The following AGBL1 variants were observed in gnomAD, a reference collection of about 807,000 sequenced individuals.
AGBL1 encodes the protein AGBL carboxypeptidase 1.
A neutral mutation model predicts 118.9 loss-of-function variants in AGBL1; 130 were observed. The observed-to-expected ratio is 1.09, with a 90% CI of 0.95 to 1.26. The LOEUF is 1.26. AGBL1 is among the 50% of genes most tolerant of loss of function. The pLI is 0.00. For synonymous variants in AGBL1, 555 were observed against 478.9 expected, an observed-to-expected ratio of 1.16 and a Z score of -2.08; for missense variants, 1,584 against 1,298.1, an observed-to-expected ratio of 1.22 and a Z score of -3.38.
intron 5 of AGBL1, among the ~76,000 whole-genome samples, chr15:86,220,667 A>T (rs1216102063): frequency 6.6e-6 from 1 of 152,192 alleles, no homozygotes; most frequent in East Asian, 1.9e-4. Flanking sequence ...ATGAAAATAG[A>T]TAGGATGTGG....
Position 86,396,243 on chromosome 15 carries a change from G to GTATATA in AGBL1, c.2375-1108_2375-1103dup, listed in dbSNP as rs3050890. On this transcript the variant is annotated intron_variant, in intron 17 of 22. Transcript: ENST00000614907. ...TATATATATGTGTGTGTGTGTGTGT[G>GTATATA]TATATATATATATATATATACACAC... Among the ~76,000 whole-genome samples the GTATATA allele has an allele frequency of 7.2e-4, 91 of 126,624 alleles. 1 individual carries two copies. Among genetic ancestry groups the GTATATA allele is most frequent in the African/African-American group, 2.7e-3 (86 of 32,412 alleles). The allele number at this position is 126,624 out of a possible 152,430, so 83.1% of individuals were successfully genotyped here.
intron 22 of AGBL1, among the ~76,000 whole-genome samples, chr15:86,722,402 G>A (rs2086738622): frequency 6.6e-6 from 1 of 152,068 alleles, no homozygotes. Flanking sequence ...AACAAGCAAT[G>A]GGGAAAGGAT....
intron 24 of AGBL1, among the ~76,000 whole-genome samples, chr15:87,000,795 T>C (rs1367413024): frequency 5.6e-5 from 8 of 142,864 alleles, no homozygotes; most frequent in East Asian, 2.0e-4. Context: ...GGGGATGGCA[T>C]TGAATCTGTA....
intron 1 of AGBL1, among the ~76,000 whole-genome samples, chr15:86,086,544 A>G (rs1322318892): frequency 6.6e-6 from 1 of 152,200 alleles, no homozygotes; most frequent in Non-Finnish European, 1.5e-5. Flanking sequence ...GAATGAATAT[A>G]AAACAGGGCA....
At chr15:86,390,401 G>T (rs759880146) in intron 17 of AGBL1, among the ~76,000 whole-genome samples, 9 of 151,970 alleles carry the variant, frequency 5.9e-5, no homozygotes, top group South Asian at 4.1e-4. Flanking sequence ...TGACCTAATT[G>T]GTGTATATGG....
chr15:86,763,102 A>G (rs531754620), intron 22 of AGBL1, among the ~76,000 whole-genome samples: 1 of 152,160 alleles, frequency 6.6e-6, no homozygotes, highest in South Asian at 2.1e-4. Context: ...CATTACTGTA[A>G]GTGCATTTTT....
In AGBL1 at chr15:86,432,253, GT is replaced by G. The variant is rs1332225975; in HGVS notation, c.2555+34712del. ...TCCATACTTTATTCAGATGTCTTTA[GT>G]TTTTACCTAGGGTATTTTTTGTTCC... On this transcript the variant is annotated intron_variant, in intron 18 of 22. Transcript: ENST00000614907. Among the ~76,000 whole-genome samples, 5 of 152,262 alleles carry G rather than the reference GT, an allele frequency of 3.3e-5. No individual in the cohort carries two copies. The East Asian group carries it at 9.7e-4, about 29-fold the overall frequency.
chr15:86,894,504 G>A (rs2080095061), intron 22 of AGBL1, among the ~76,000 whole-genome samples: 1 of 152,162 alleles, frequency 6.6e-6, no homozygotes, highest in East Asian at 1.9e-4. Context: ...GCCCTTAGAA[G>A]AAGGTTCTCC....
At chr15:86,217,999 G>GTA (rs1319777723) in intron 5 of AGBL1, among the ~76,000 whole-genome samples, 1 of 152,166 alleles carries the variant, frequency 6.6e-6, no homozygotes, top group Non-Finnish European at 1.5e-5. Context: ...GGCTATAGCA[G>GTA]TAGTTGGGTG....
chr15:86,557,413 A>C (rs1596262622), intron 21 of AGBL1, among the ~76,000 whole-genome samples: 1 of 152,146 alleles, frequency 6.6e-6, no homozygotes, highest in Non-Finnish European at 1.5e-5. Context: ...TAGGAGGAGG[A>C]TGTGAGTCCC....
chr15:86,542,667 C>A (rs778254429), intron 19 of AGBL1, among the ~76,000 whole-genome samples: 65 of 152,160 alleles, frequency 4.3e-4, no homozygotes, highest in Non-Finnish European at 5.6e-4. Flanking sequence ...CTGCGCCTGG[C>A]GAGATGGGGT....
intron 13 of AGBL1, among the ~76,000 whole-genome samples, chr15:86,269,299 T>C (rs2079120039): frequency 6.6e-6 from 1 of 152,248 alleles, no homozygotes; most frequent in African/African-American, 2.4e-5. Flanking sequence ...TATTTGATTT[T>C]TATAAACAGC....
At chr15:86,445,856 A>C (rs1195623606) in intron 18 of AGBL1, among the ~76,000 whole-genome samples, 2 of 152,198 alleles carry the variant, frequency 1.3e-5, no homozygotes, top group African/African-American at 2.4e-5. Flanking sequence ...TTTGTGATGC[A>C]TTGGGGCCGT....
At chr15:86,305,584 T>C (rs530955502) in intron 17 of AGBL1, among the ~76,000 whole-genome samples, 60 of 152,352 alleles carry the variant, frequency 3.9e-4, no homozygotes, top group African/African-American at 1.3e-3. Flanking sequence ...AGTGTCAACA[T>C]GTCATCCTTG....
chr15:86,712,268 G>C (rs531395856), intron 22 of AGBL1, among the ~76,000 whole-genome samples: 1 of 152,104 alleles, frequency 6.6e-6, no homozygotes, highest in African/African-American at 2.4e-5. Context: ...AGATGTCCCA[G>C]CCTCGTTTTG....
intron 22 of AGBL1, among the ~76,000 whole-genome samples, chr15:86,679,750 CA>C (rs2085918561): frequency 1.3e-5 from 2 of 152,048 alleles, no homozygotes; most frequent in Admixed American, 1.3e-4. Context: ...ATTAATTTAA[CA>C]AAGTCCAGAT....
intron 21 of AGBL1, among the ~76,000 whole-genome samples, chr15:86,572,520 G>A (rs951721741): frequency 3.9e-5 from 6 of 152,202 alleles, no homozygotes; most frequent in Non-Finnish European, 7.4e-5. Flanking sequence ...CCCAGAGGCA[G>A]GCTCTGGAGA....
At chr15:86,732,728 G>A (rs1019854133) in intron 22 of AGBL1, among the ~76,000 whole-genome samples, 5 of 152,036 alleles carry the variant, frequency 3.3e-5, no homozygotes, top group Non-Finnish European at 7.4e-5. Flanking sequence ...TATATTAGCT[G>A]TGTGACTTAG....
At chr15:87,012,347 T>G (rs1163162395) in intron 24 of AGBL1, among the ~76,000 whole-genome samples, 5 of 152,124 alleles carry the variant, frequency 3.3e-5, no homozygotes, top group Non-Finnish European at 7.4e-5. Flanking sequence ...GGGGGGGTAC[T>G]TTCCTACATT....
Sources: allele counts gnomAD v4.1 joint callset (sites outside exome capture counted in the v4.1 genomes callset), GRCh38; gene constraint gnomAD v4.1.1; transcripts MANE v1.5; gene names NCBI Gene and HGNC (gene_info 2026-07-23, HGNC 2026-07-21).